The following PDE4D variants were observed in gnomAD, a reference collection of about 807,000 sequenced individuals.
The protein encoded by PDE4D is phosphodiesterase 4D.
PDE4D carries 24 observed loss-of-function variants against 87.4 expected under a neutral mutation model. The ratio of observed to expected loss-of-function variants is 0.27; its 90% CI spans 0.20 to 0.39. The LOEUF (loss-of-function observed/expected upper bound fraction) is 0.39, where lower values mean the gene tolerates loss of function less well. Among genes scored for constraint, PDE4D ranks in the 10% least tolerant of loss-of-function variants. The pLI, the probability that PDE4D is intolerant of heterozygous loss-of-function variation, is 1.00. For missense variants in PDE4D, 714 were observed against 1,041.0 expected (o/e 0.69, Z 4.32); for synonymous variants, 384 against 383.2 (o/e 1.00, Z -0.02).
chr5:59,689,448 A>T (rs563075214), intron 1 of PDE4D, among the ~76,000 whole-genome samples: 1 of 152,354 alleles, frequency 6.6e-6, no homozygotes, highest in East Asian at 1.9e-4. Flanking sequence ...TCCAGCATAT[A>T]AACAGAACCA....
chr5:59,024,200 CTT>C (rs566593585), intron 6 of PDE4D, among the ~76,000 whole-genome samples: 3 of 114,840 alleles, frequency 2.6e-5, no homozygotes, highest in African/African-American at 3.4e-5. Context: ...CTGAATTCTA[CTT>C]TTTTTTTTTT....
intron 5 of PDE4D, among the ~76,000 whole-genome samples, chr5:59,109,635 G>T (rs1202833939): frequency 6.6e-6 from 1 of 152,106 alleles, no homozygotes; most frequent in African/African-American, 2.4e-5. Flanking sequence ...GTAGCCTATT[G>T]GGCCCAGCTC....
At position 60,224,747 on chromosome 5, in the gene PDE4D, C is replaced by A. The variant is rs551360052; in HGVS notation, c.-89-39060G>T. On this transcript the variant is annotated intron_variant, in intron 1 of 16. Coordinates refer to the PDE4D transcript ENST00000502484. ...CACAGATGCTCATTTATGCTGCATT[C>A]TATTCATCAATTAAGCCACCAGGCT... is the stretch of plus-strand genomic sequence containing the variant. Among the ~76,000 whole-genome samples, 8 of 152,182 alleles carry A rather than the reference C, an allele frequency of 5.3e-5. No individual in the cohort carries two copies. In the South Asian group the frequency reaches 1.7e-3, roughly 32 times the overall value.
At chr5:59,817,167 G>A (rs1372015159) in intron 1 of PDE4D, among the ~76,000 whole-genome samples, 1 of 152,336 alleles carries the variant, frequency 6.6e-6, no homozygotes, top group East Asian at 1.9e-4. Context: ...ACGGAAACGT[G>A]AATGTGCTCA....
At chr5:59,748,186 T>C (rs1759900681) in intron 1 of PDE4D, among the ~76,000 whole-genome samples, 2 of 152,302 alleles carry the variant, frequency 1.3e-5, no homozygotes, top group African/African-American at 2.4e-5. Context: ...GGCAGAGTAA[T>C]AGTGTGTTGC....
intron 1 of PDE4D, among the ~76,000 whole-genome samples, chr5:59,762,841 C>A (rs1762302227): frequency 2.9e-5 from 3 of 103,594 alleles, no homozygotes; most frequent in South Asian, 3.0e-4. Context: ...TAAAAAAGAG[C>A]AAACTGCTTA....
intron 1 of PDE4D, among the ~76,000 whole-genome samples, chr5:59,516,111 A>G (rs1199698852): frequency 6.6e-6 from 1 of 152,228 alleles, no homozygotes; most frequent in Non-Finnish European, 1.5e-5. Context: ...CATCTGGGAC[A>G]TTACTAGATG....
chr5:59,624,267 C>A (rs1188137446), intron 1 of PDE4D, among the ~76,000 whole-genome samples: 1 of 152,188 alleles, frequency 6.6e-6, no homozygotes, highest in Non-Finnish European at 1.5e-5. Context: ...TTGGGGCCTT[C>A]TCTGTCTCTG....
At chr5:60,182,875 G>A (rs1225912747) in intron 2 of PDE4D, among the ~76,000 whole-genome samples, 1 of 148,698 alleles carries the variant, frequency 6.7e-6, no homozygotes, top group Non-Finnish European at 1.5e-5. Flanking sequence ...GCAAGACTCC[G>A]TCTCAGAAAA....
intron 1 of PDE4D, among the ~76,000 whole-genome samples, chr5:59,528,516 A>G (rs1315908547): frequency 6.6e-6 from 1 of 152,182 alleles, no homozygotes; most frequent in East Asian, 1.9e-4. Flanking sequence ...GGATGTCACA[A>G]CGATACGATG....
intron 1 of PDE4D, among the ~76,000 whole-genome samples, chr5:59,788,298 G>C (rs1190075851): frequency 6.6e-6 from 1 of 152,164 alleles, no homozygotes; most frequent in Non-Finnish European, 1.5e-5. Context: ...TGACCTCTTT[G>C]GAGAGAGCTC....
At chr5:60,511,559 T>C (rs1052303010) in intron 1 of PDE4D, among the ~76,000 whole-genome samples, 6 of 139,536 alleles carry the variant, frequency 4.3e-5, no homozygotes, top group Non-Finnish European at 9.5e-5. Context: ...GGCTGCCATA[T>C]ATGAATATGA....
At chr5:59,881,450 C>T (rs1749418230) in intron 1 of PDE4D, among the ~76,000 whole-genome samples, 1 of 152,018 alleles carries the variant, frequency 6.6e-6, no homozygotes, top group Admixed American at 6.5e-5. Context: ...GACTTCCTGT[C>T]CTTTAGGTTT....
chr5:59,670,868 C>T (rs985293742), intron 1 of PDE4D, among the ~76,000 whole-genome samples: 2 of 151,612 alleles, frequency 1.3e-5, no homozygotes, highest in Non-Finnish European at 2.9e-5. Flanking sequence ...GGCGGTCTTG[C>T]TGTGTTACCC....
intron 11 of PDE4D, among the ~76,000 whole-genome samples, chr5:58,978,476 C>T (rs937894004): frequency 4.0e-5 from 6 of 151,498 alleles, no homozygotes; most frequent in Non-Finnish European, 8.8e-5. Context: ...TTTTTTCTAA[C>T]GAATGCATAG....
At chr5:59,455,854 C>A (rs1053478344) in intron 1 of PDE4D, among the ~76,000 whole-genome samples, 4 of 152,224 alleles carry the variant, frequency 2.6e-5, no homozygotes, top group African/African-American at 9.6e-5. Context: ...CATTTTGGAG[C>A]TTTAAGATTT....
intron 3 of PDE4D, among the ~76,000 whole-genome samples, chr5:59,925,439 G>A (rs570175239): frequency 1.3e-5 from 2 of 152,064 alleles, no homozygotes; most frequent in South Asian, 2.1e-4. Flanking sequence ...CTAAAATGAA[G>A]ACAGGAAGGA....
chr5:59,104,372 C>G (rs976571273), intron 5 of PDE4D, among the ~76,000 whole-genome samples: 1 of 152,168 alleles, frequency 6.6e-6, no homozygotes, highest in African/African-American at 2.4e-5. Flanking sequence ...GTTGGATAAC[C>G]AAGGTCCATC....
chr5:59,016,441 C>T (rs1007569054), intron 6 of PDE4D, among the ~76,000 whole-genome samples: 26 of 138,452 alleles, frequency 1.9e-4, no homozygotes, highest in African/African-American at 6.4e-4. Flanking sequence ...TGCTGCCTCA[C>T]GGTCAGTATC....
Sources: gnomAD v4.1 joint callset for allele counts (sites outside exome capture counted in the v4.1 genomes callset) on GRCh38, gnomAD v4.1.1 for gene constraint, MANE v1.5 for transcripts, NCBI Gene and HGNC (gene_info 2026-07-23, HGNC 2026-07-21) for gene names.